KLHL32: variants seen among roughly 807,000 people sequenced by gnomAD.
KLHL32 encodes kelch like family member 32.
Under a neutral mutation model 64.8 loss-of-function variants are expected in KLHL32, and 35 were observed. The observed-to-expected ratio is 0.54, with a 90% CI of 0.41 to 0.72. KLHL32 has a LOEUF of 0.72. Among genes scored for constraint, KLHL32 ranks in the 30% least tolerant of loss-of-function variants. The pLI, the probability that KLHL32 is intolerant of heterozygous loss-of-function variation, is 0.00. For synonymous variants in KLHL32, 259 were observed against 281.0 expected (o/e 0.92, Z 0.78); for missense variants, 589 against 768.5 (o/e 0.77, Z 2.76).
At chr6:97,086,331 A>G (rs1793408786) in intron 6 of KLHL32, among the ~76,000 whole-genome samples, 1 of 152,180 alleles carries the variant, frequency 6.6e-6, no homozygotes, top group Non-Finnish European at 1.5e-5. Flanking sequence ...CTGACTGATT[A>G]TTTTCCTGAT....
At chr6:96,968,685 G>C (rs1262501463) in intron 2 of KLHL32, among the ~76,000 whole-genome samples, 1 of 152,036 alleles carries the variant, frequency 6.6e-6, no homozygotes, top group Non-Finnish European at 1.5e-5. Flanking sequence ...CCACCTCTCA[G>C]ACTCTCCCAC....
chr6:96,920,238 C>G (rs555641395), upstream of KLHL32, among the ~76,000 whole-genome samples: 7 of 152,362 alleles, frequency 4.6e-5, no homozygotes, highest in South Asian at 1.2e-3. Context: ...ACACCATCCT[C>G]TAACACTATG....
intron 7 of KLHL32, 128 bp from the exon 8 acceptor site, chr6:97,127,276 C>T: frequency 2.8e-6 from 2 of 704,642 alleles, no homozygotes; most frequent in South Asian, 3.9e-5. Flanking sequence ...ATGTCATGGG[C>T]TCACCATGAG....
chr6:96,980,948 A>G (rs1776231677), intron 3 of KLHL32, among the ~76,000 whole-genome samples: 1 of 151,782 alleles, frequency 6.6e-6, no homozygotes, highest in Non-Finnish European at 1.5e-5. Context: ...GCAGAAGGGG[A>G]AGCAAACATG....
intron 3 of KLHL32, among the ~76,000 whole-genome samples, chr6:96,988,665 T>G (rs1460635779): frequency 1.3e-5 from 2 of 152,234 alleles, no homozygotes; most frequent in Admixed American, 1.3e-4. Context: ...GTATGTTTAT[T>G]GCAGCACTAT....
upstream of KLHL32, among the ~76,000 whole-genome samples, chr6:96,921,300 A>G (rs1768747677): frequency 2.0e-5 from 3 of 152,246 alleles, no homozygotes; most frequent in East Asian, 3.8e-4. Context: ...AGCATTTGAT[A>G]TCACAGAATG....
chr6:96,951,718 A>G (rs1772642300), intron 1 of KLHL32, among the ~76,000 whole-genome samples: 1 of 152,226 alleles, frequency 6.6e-6, no homozygotes, highest in Non-Finnish European at 1.5e-5. Flanking sequence ...ATTAAGTTGT[A>G]TACCTTGTGA....
intron 4 of KLHL32, among the ~76,000 whole-genome samples, chr6:97,048,804 C>A (rs1245720497): frequency 6.6e-6 from 1 of 152,176 alleles, no homozygotes; most frequent in South Asian, 2.1e-4. Context: ...TGGAGAAAGT[C>A]TCTGTCGGAT....
intron 1 of KLHL32, among the ~76,000 whole-genome samples, chr6:96,948,536 T>C (rs902764948): frequency 6.6e-6 from 1 of 152,164 alleles, no homozygotes; most frequent in African/African-American, 2.4e-5. Context: ...TCATAGGATA[T>C]ACTTTGGGTC....
chr6:97,085,276 T>G lies in KLHL32; in HGVS notation c.562T>G (p.Cys188Gly), dbSNP rs745830412. ...RPEEVLTLPYCLLQEVLKSDR... is the reference protein window; with the variant it reads ...RPEEVLTLPYGLLQEVLKSDR... The stretch of plus-strand genomic sequence containing the variant: ...AGAAGAAGTTCTAACGCTTCCCTAT[T>G]GCCTGCTTCAGGAGGTGCTGAAGAG... Residue 188 changes from cysteine to glycine, a missense_variant, in exon 6 of 11, where the codon TGC becomes GGC. Cys to Gly is a radical substitution (Grantham distance 159). Transcript: ENST00000369261. 6 of 1,613,700 alleles carry G rather than the reference T, an allele frequency of 3.7e-6. No homozygotes were observed. The South Asian group carries it at 6.6e-5, about 18-fold the overall frequency.
chr6:96,957,462 C>T (rs972259688), intron 1 of KLHL32, among the ~76,000 whole-genome samples: 12 of 151,850 alleles, frequency 7.9e-5, no homozygotes, highest in African/African-American at 2.9e-4. Context: ...TCTGTACTAG[C>T]AAAACACTCA....
At chr6:96,930,117 G>A (rs191925822) in intron 1 of KLHL32, among the ~76,000 whole-genome samples, 11 of 152,118 alleles carry the variant, frequency 7.2e-5, no homozygotes, top group Admixed American at 6.5e-4. Flanking sequence ...AGATATTGAT[G>A]GAAAAAGAAG....
At chr6:97,058,007 C>T (rs1250042438) in intron 4 of KLHL32, among the ~76,000 whole-genome samples, 1 of 152,080 alleles carries the variant, frequency 6.6e-6, no homozygotes, top group Non-Finnish European at 1.5e-5. Flanking sequence ...ATCTTTTATC[C>T]ATTATTATTA....
At chr6:96,926,447 T>C (rs189517762) in intron 1 of KLHL32, among the ~76,000 whole-genome samples, 35 of 152,332 alleles carry the variant, frequency 2.3e-4, no homozygotes, top group Admixed American at 1.1e-3. Context: ...ATACTTCTTT[T>C]TTAATCCTCA....
the KLHL32 span, among the ~76,000 whole-genome samples, chr6:96,911,824 C>CTTTTTTTTTTTGTTTTTT: frequency 1.8e-5 from 1 of 54,078 alleles, no homozygotes; most frequent in Non-Finnish European, 3.4e-5. Context: ...CTCGGTCCTT[C>CTTTTTTTTTTTGTTTTTT]TTTTTTTTTT....
At chr6:97,048,876 A>T (rs1046001354) in intron 4 of KLHL32, among the ~76,000 whole-genome samples, 2 of 152,196 alleles carry the variant, frequency 1.3e-5, no homozygotes, top group Non-Finnish European at 2.9e-5. Context: ...ATGGGAGAAA[A>T]TTTTTAAAAT....
intron 3 of KLHL32, among the ~76,000 whole-genome samples, chr6:97,033,825 T>C (rs902649250): frequency 6.6e-6 from 1 of 152,104 alleles, no homozygotes; most frequent in Admixed American, 6.5e-5. Context: ...TATGCCTTCT[T>C]TGGAAAAATG....
At chr6:97,029,135 T>C (rs1397638783) in intron 3 of KLHL32, among the ~76,000 whole-genome samples, 2 of 152,218 alleles carry the variant, frequency 1.3e-5, no homozygotes, top group Non-Finnish European at 2.9e-5. Flanking sequence ...TGTGTCCTTT[T>C]TTTATTCCAC....
chr6:97,036,936 T>C (rs1416686415), intron 3 of KLHL32, among the ~76,000 whole-genome samples: 2 of 152,226 alleles, frequency 1.3e-5, no homozygotes, highest in African/African-American at 4.8e-5. Flanking sequence ...GGGGATATAG[T>C]GGTCAAGGCA....
Sources: allele counts gnomAD v4.1 joint callset (sites outside exome capture counted in the v4.1 genomes callset), GRCh38; gene constraint gnomAD v4.1.1; transcripts MANE v1.5; gene names NCBI Gene and HGNC (gene_info 2026-07-23, HGNC 2026-07-21).